DLGAP2: variants seen among roughly 807,000 people sequenced by gnomAD.
The protein encoded by DLGAP2 is disks large-associated protein 2.
A neutral mutation model predicts 100.3 loss-of-function variants in DLGAP2; 26 were observed. That is an observed-to-expected ratio of 0.26 (90% CI 0.19 to 0.36). DLGAP2 has a LOEUF of 0.36. Among genes scored for constraint, DLGAP2 ranks in the 10% least tolerant of loss-of-function variants. DLGAP2 has a pLI of 1.00. For missense variants in DLGAP2, 1,858 were observed against 1,453.2 expected (o/e 1.28, Z -4.53); for synonymous variants, 886 against 630.1 (o/e 1.41, Z -6.08).
chr8:929,070 G>T (rs1432223875), intron 2 of DLGAP2, among the ~76,000 whole-genome samples: 3 of 6,864 alleles, frequency 4.4e-4, no homozygotes, highest in Non-Finnish European at 5.3e-4. Context: ...CAGAACCCCC[G>T]GCCATTCCCC....
At chr8:1,036,651 G>A (rs773075382) in intron 2 of DLGAP2, among the ~76,000 whole-genome samples, 10 of 152,238 alleles carry the variant, frequency 6.6e-5, no homozygotes, top group East Asian at 1.9e-4. Flanking sequence ...TCAAGGCAGG[G>A]CCTTGAACCG....
intron 3 of DLGAP2, among the ~76,000 whole-genome samples, chr8:1,460,563 G>T (rs1363808963): frequency 6.6e-6 from 1 of 152,156 alleles, no homozygotes; most frequent in Admixed American, 6.6e-5. Context: ...TGACTCGACG[G>T]TCTCTTCACT....
intron 3 of DLGAP2, among the ~76,000 whole-genome samples, chr8:1,483,753 G>A (rs989883621): frequency 3.4e-3 from 90 of 26,378 alleles, no homozygotes; most frequent in East Asian, 6.3e-3. Context: ...GGGGACCAGG[G>A]AGGCATGTGC....
intron 4 of DLGAP2, among the ~76,000 whole-genome samples, chr8:1,541,025 C>A (rs1199058164): frequency 6.6e-6 from 1 of 151,398 alleles, no homozygotes; most frequent in Non-Finnish European, 1.5e-5. Flanking sequence ...TCTACAGAGC[C>A]CAGGATTTTC....
intron 1 of DLGAP2, among the ~76,000 whole-genome samples, chr8:800,912 C>T (rs1047030040): frequency 6.6e-6 from 1 of 151,858 alleles, no homozygotes; most frequent in Non-Finnish European, 1.5e-5. Context: ...TCCTCGCCCC[C>T]TCAAATGCTG....
chr8:1,469,894 T>A (rs1168198376), intron 3 of DLGAP2, among the ~76,000 whole-genome samples: 1 of 151,902 alleles, frequency 6.6e-6, no homozygotes, highest in African/African-American at 2.4e-5. Context: ...TGGTGGTTTA[T>A]GCCTGTAATC....
chr8:1,496,112 G>A (rs1799538377), intron 3 of DLGAP2, among the ~76,000 whole-genome samples: 1 of 152,204 alleles, frequency 6.6e-6, no homozygotes, highest in Non-Finnish European at 1.5e-5. Flanking sequence ...CTTCTTGCAA[G>A]TAAGTCTACC....
intron 2 of DLGAP2, among the ~76,000 whole-genome samples, chr8:1,021,062 C>T (rs35425201): frequency 0.34 from 52,162 of 152,114 alleles, 9,900 homozygotes; most frequent in Admixed American, 0.51. Flanking sequence ...GGGATGCAGA[C>T]TCATGGTACT....
chr8:1,144,409 T>C (rs921054510), intron 2 of DLGAP2, among the ~76,000 whole-genome samples: 1 of 152,242 alleles, frequency 6.6e-6, no homozygotes, highest in Non-Finnish European at 1.5e-5. Flanking sequence ...CCAGAAGCTG[T>C]GAAGACGGTA....
chr8:997,039 C>T (rs1215208226), intron 2 of DLGAP2, among the ~76,000 whole-genome samples: 2 of 152,106 alleles, frequency 1.3e-5, no homozygotes, highest in African/African-American at 2.4e-5. Flanking sequence ...TGTTTTTCAG[C>T]AGTAGGAGAA....
intron 1 of DLGAP2, among the ~76,000 whole-genome samples, chr8:843,416 C>G (rs1797017818): frequency 6.6e-6 from 1 of 152,220 alleles, no homozygotes; most frequent in African/African-American, 2.4e-5. Context: ...CGGGGAGACC[C>G]CTCTGCACAC....
rs540521104 is a variant in DLGAP2 at position 972,552 on chromosome 8, G to T, written c.73+64586G>T. 5.9e-5 allele frequency among the ~76,000 whole-genome samples: 9 copies of T among 152,242 alleles called. No individual in the cohort carries two copies. In the East Asian group the frequency reaches 1.7e-3, roughly 29 times the overall value. On this transcript the variant is annotated intron_variant, in intron 2 of 14. Transcript: ENST00000637795. ...CTGGGCATAGGCCAGGTAAAAATCA[G>T]TGAGCTTAAGGAACTTCCAAACTGA...
intron 1 of DLGAP2, among the ~76,000 whole-genome samples, chr8:887,625 C>G (rs1344708787): frequency 6.6e-6 from 1 of 152,188 alleles, no homozygotes; most frequent in Non-Finnish European, 1.5e-5. Flanking sequence ...TTCTCCTTCA[C>G]TTATGAAGCT....
At chr8:1,501,550 C>A in intron 4 of DLGAP2, 119 bp downstream of exon 4, 1 of 963,704 alleles carries the variant, frequency 1.0e-6, no homozygotes, top group Non-Finnish European at 1.5e-6. Flanking sequence ...AGAAAGGGAG[C>A]TAAGAAGAAC....
intron 2 of DLGAP2, among the ~76,000 whole-genome samples, chr8:1,246,342 G>A (rs1184681128): frequency 6.6e-6 from 1 of 152,186 alleles, no homozygotes; most frequent in African/African-American, 2.4e-5. Flanking sequence ...AATTTCAAGC[G>A]ATGGTGCTTT....
At chr8:801,068 C>T (rs1287161927) in intron 1 of DLGAP2, among the ~76,000 whole-genome samples, 1 of 6,256 alleles carries the variant, frequency 1.6e-4, no homozygotes, top group African/African-American at 7.2e-4. Flanking sequence ...CTCACCAGAT[C>T]CGTGGTCTTC....
At chr8:837,344 C>G (rs1483185478) in intron 1 of DLGAP2, among the ~76,000 whole-genome samples, 3 of 152,240 alleles carry the variant, frequency 2.0e-5, no homozygotes, top group Admixed American at 6.5e-5. Flanking sequence ...GTGTTCCAGC[C>G]ACTTTTCGTG....
At chr8:1,531,803 C>T (rs1800998060) in intron 4 of DLGAP2, among the ~76,000 whole-genome samples, 1 of 152,178 alleles carries the variant, frequency 6.6e-6, no homozygotes, top group African/African-American at 2.4e-5. Flanking sequence ...ACATGTAAAT[C>T]ATGCCCATAG....
At chr8:1,548,590 T>C in intron 4 of DLGAP2, 36 bp from the exon 5 acceptor site, 5 of 1,450,206 alleles carry the variant, frequency 3.4e-6, no homozygotes, top group Non-Finnish European at 4.5e-6. Flanking sequence ...TCCGCCGCGC[T>C]TCCGGGTGTT....
Sources: gnomAD v4.1 joint callset for allele counts (sites outside exome capture counted in the v4.1 genomes callset) on GRCh38, gnomAD v4.1.1 for gene constraint, MANE v1.5 for transcripts, NCBI Gene and HGNC (gene_info 2026-07-23, HGNC 2026-07-21) for gene names.